ADCY8: variants seen among roughly 807,000 people sequenced by gnomAD.
ADCY8 encodes adenylate cyclase 8.
Under a neutral mutation model 119.7 loss-of-function variants are expected in ADCY8, and 51 were observed. The observed-to-expected ratio is 0.43, with a 90% CI of 0.34 to 0.54. ADCY8 has a LOEUF of 0.54. Among genes scored for constraint, ADCY8 ranks in the 20% least tolerant of loss-of-function variants. ADCY8 has a pLI of 0.03. For synonymous variants in ADCY8, 665 were observed against 651.0 expected (o/e 1.02, Z -0.33); for missense variants, 1,383 against 1,598.8 (o/e 0.87, Z 2.30).
rs184805433 is a variant in ADCY8 at position 130,887,134 on chromosome 8, T to C, written c.1912-2373A>G. ...TGAAAATGTTAGCAGGAATTGATAC[T>C]GGTATGTAGAGGACATTTGGAAATT... On this transcript the variant is annotated intron_variant, in intron 7 of 17. Transcript: ENST00000286355. Among the ~76,000 whole-genome samples, 28 of 152,298 alleles carry C rather than the reference T, an allele frequency of 1.8e-4. No homozygotes were observed. The South Asian group carries it at 3.5e-3, about 19-fold the overall frequency.
chr8:130,868,001 G>A, intron 8 of ADCY8, 55 bp from the exon 9 acceptor site: 1 of 1,157,744 alleles, frequency 8.6e-7, no homozygotes, highest in Non-Finnish European at 1.2e-6. Context: ...CAGTGTTTGA[G>A]GTTGAGGGAA....
At chr8:130,940,404 G>A (rs556265439) in intron 4 of ADCY8, among the ~76,000 whole-genome samples, 1 of 152,176 alleles carries the variant, frequency 6.6e-6, no homozygotes. Context: ...CACGTCCAGG[G>A]TTTGTTATTC....
At chr8:130,926,321 A>C (rs1285587076) in intron 5 of ADCY8, among the ~76,000 whole-genome samples, 3 of 152,072 alleles carry the variant, frequency 2.0e-5, no homozygotes, top group African/African-American at 4.8e-5. Flanking sequence ...AAAAAAAAAA[A>C]ACCTTTGGTT....
At chr8:130,855,897 A>G (rs1586488392) in intron 9 of ADCY8, among the ~76,000 whole-genome samples, 1 of 151,684 alleles carries the variant, frequency 6.6e-6, no homozygotes, top group Non-Finnish European at 1.5e-5. Context: ...TTTCACTCCC[A>G]CCTCTCCATC....
chr8:130,837,580 A>G (rs552454766), intron 11 of ADCY8, among the ~76,000 whole-genome samples: 65 of 152,364 alleles, frequency 4.3e-4, no homozygotes, highest in South Asian at 2.1e-3. Context: ...ATATTAGAGT[A>G]GCCCTTAGGT....
intron 1 of ADCY8, among the ~76,000 whole-genome samples, chr8:131,000,363 T>C (rs1346096509): frequency 1.3e-5 from 2 of 152,068 alleles, no homozygotes; most frequent in Non-Finnish European, 2.9e-5. Flanking sequence ...GCTGGGTGTA[T>C]GGGAAAAATG....
At chr8:131,015,411 T>G (rs1823441086) in intron 1 of ADCY8, among the ~76,000 whole-genome samples, 1 of 152,198 alleles carries the variant, frequency 6.6e-6, no homozygotes, top group Non-Finnish European at 1.5e-5. Flanking sequence ...GAGCGCACTA[T>G]GCAGGTATCC....
intron 5 of ADCY8, among the ~76,000 whole-genome samples, chr8:130,915,810 C>G (rs1222192345): frequency 6.6e-6 from 1 of 152,192 alleles, no homozygotes; most frequent in Non-Finnish European, 1.5e-5. Flanking sequence ...TCTATTCACA[C>G]AGACATAGCT....
At chr8:130,913,348 C>A (rs1013028788) in intron 5 of ADCY8, among the ~76,000 whole-genome samples, 1 of 152,082 alleles carries the variant, frequency 6.6e-6, no homozygotes, top group African/African-American at 2.4e-5. Flanking sequence ...CCCCACTACC[C>A]TTCCCAGCCT....
intron 5 of ADCY8, among the ~76,000 whole-genome samples, chr8:130,928,814 G>A (rs991129983): frequency 6.6e-5 from 10 of 152,060 alleles, no homozygotes; most frequent in Non-Finnish European, 2.9e-5. Context: ...CATAAAATGA[G>A]GGTGGAAACA....
chr8:130,835,412 C>G (rs1284194289), intron 12 of ADCY8, among the ~76,000 whole-genome samples: 1 of 152,170 alleles, frequency 6.6e-6, no homozygotes, highest in East Asian at 1.9e-4. Context: ...AGTGGATTTT[C>G]CAAGGCACCA....
chr8:130,841,174 T>G (rs939962032), intron 11 of ADCY8, among the ~76,000 whole-genome samples: 1 of 152,154 alleles, frequency 6.6e-6, no homozygotes, highest in African/African-American at 2.4e-5. Context: ...ATGTAACAAT[T>G]AAACCTAAAT....
rs981561448 is a variant in ADCY8, at chr8:130,850,356, G to A, written c.2211-553C>T. ...AGCATCACTCTCGAGTTTACATCTCGAGTTTCAAACTCTCATCAAAACTCT... is the reference window on the plus strand; with the variant it reads ...AGCATCACTCTCGAGTTTACATCTCAAGTTTCAAACTCTCATCAAAACTCT... On this transcript the variant is annotated intron_variant, in intron 9 of 17. Coordinates refer to ENST00000286355, the MANE Select transcript of ADCY8 (RefSeq NM_001115.3). Among the ~76,000 whole-genome samples, 14 of 152,208 alleles carry A rather than the reference G, an allele frequency of 9.2e-5. No individual in the cohort carries two copies. In the East Asian group the frequency reaches 1.5e-3, roughly 17 times the overall value.
intron 1 of ADCY8, among the ~76,000 whole-genome samples, chr8:131,000,888 TAGA>T (rs1822924691): frequency 6.6e-6 from 1 of 151,982 alleles, no homozygotes; most frequent in African/African-American, 2.4e-5. Context: ...CAGCACAGTC[TAGA>T]AGACCAGGTT....
intron 2 of ADCY8, among the ~76,000 whole-genome samples, chr8:130,975,493 G>GCAAGAAC (rs1822045375): frequency 6.6e-6 from 1 of 152,216 alleles, no homozygotes; most frequent in Non-Finnish European, 1.5e-5. Context: ...CATTGTAGAA[G>GCAAGAAC]CAAGAACCTT....
At chr8:130,948,303 C>G (rs563199117) in intron 3 of ADCY8, among the ~76,000 whole-genome samples, 1 of 152,164 alleles carries the variant, frequency 6.6e-6, no homozygotes, top group Non-Finnish European at 1.5e-5. Context: ...TCAATACAAT[C>G]GGGTAGGTGG....
intron 5 of ADCY8, among the ~76,000 whole-genome samples, chr8:130,933,140 G>C (rs573564861): frequency 4.6e-5 from 7 of 152,168 alleles, no homozygotes; most frequent in African/African-American, 1.7e-4. Flanking sequence ...CCTCAAACAG[G>C]GGTCCATTTC....
In ADCY8 at chr8:131,039,809, C is replaced by T. The variant is rs1236991682; in HGVS notation, c.525G>A (p.Leu175=). The T allele has an allele frequency of 6.2e-7, 1 of 1,614,178 alleles. No homozygotes were observed. The highest frequency in any genetic ancestry group is 1.7e-5 in the Admixed American group (1 of 60,022). The change falls in exon 1 of 18, where the codon TTG becomes TTA. Residue 175 remains leucine (L), a synonymous_variant. Coordinates refer to ENST00000286355, the MANE Select transcript of ADCY8 (RefSeq NM_001115.3). ...CCACTTCCGATTTGCGCCTTTGGCC[C>T]AAGAAATAGCGCTGGTAGAGGCGTT... ...DLERLYQRYF[L]GQRRKSEVVM... is the part of the protein sequence containing the mutation.
intron 12 of ADCY8, among the ~76,000 whole-genome samples, chr8:130,834,909 G>T (rs1816940094): frequency 6.8e-6 from 1 of 148,072 alleles, no homozygotes; most frequent in South Asian, 2.1e-4. Context: ...TTAGAAGTTG[G>T]ATTTGAGGAG....
Sources: gnomAD v4.1 joint callset for allele counts (sites outside exome capture counted in the v4.1 genomes callset) on GRCh38, gnomAD v4.1.1 for gene constraint, MANE v1.5 for transcripts, NCBI Gene and HGNC (gene_info 2026-07-23, HGNC 2026-07-21) for gene names.